IL6ST: variants seen among roughly 807,000 people sequenced by gnomAD.
The protein encoded by IL6ST is interleukin-6 receptor subunit beta.
Under a neutral mutation model 91.3 loss-of-function variants are expected in IL6ST, and 24 were observed. The observed-to-expected ratio is 0.26, with a 90% CI of 0.19 to 0.37. IL6ST has a LOEUF of 0.37. IL6ST is among the 10% of genes least tolerant of loss of function. The probability of loss-of-function intolerance (pLI) is 1.00; values close to 1 mark genes in which losing one functional copy is unlikely to be tolerated. For synonymous variants in IL6ST, 351 were observed against 373.6 expected (o/e 0.94, Z 0.70); for missense variants, 914 against 1,078.5 (o/e 0.85, Z 2.14).
At chr5:55,952,097 T>C (rs778693025) in intron 12 of IL6ST, 22 bp from the exon 13 acceptor site, 1 of 1,596,454 alleles carries the variant, frequency 6.3e-7, no homozygotes, top group South Asian at 1.1e-5. Context: ...TGAACACATT[T>C]GCTAACTGAA....
Position 55,940,549 on chromosome 5 carries a change from T to C in IL6ST, c.*533A>G. ...CCGTGTACACTGATATACACGAAGCTGCTCCTCATTTTTTTGTCAGATTAC... is the reference window on the plus strand; with the variant it reads ...CCGTGTACACTGATATACACGAAGCCGCTCCTCATTTTTTTGTCAGATTAC... On this transcript the variant is annotated 3_prime_UTR_variant, in exon 17 of 17. Transcript: ENST00000381298. The C allele has an allele frequency of 4.7e-6, 1 of 214,456 alleles. No individual in the cohort carries two copies. The highest frequency in any genetic ancestry group is 9.4e-6 in the Non-Finnish European group (1 of 106,192). The allele number at this position is 214,456 out of a possible 1,614,324, so 13.3% of individuals were successfully genotyped here. A position where few individuals can be genotyped will look rare whatever the true frequency, so the allele number is the denominator to read the frequency against.
intron 5 of IL6ST, among the ~76,000 whole-genome samples, chr5:55,965,814 C>CAAAAAAAA (rs34297008): frequency 1.7e-5 from 1 of 58,550 alleles, no homozygotes; most frequent in Non-Finnish European, 3.7e-5. Context: ...AACTCTGTCT[C>CAAAAAAAA]AAAAAAAAAA....
chr5:55,951,388 AT>A, intron 14 of IL6ST, 75 bp downstream of exon 14: 1 of 1,131,718 alleles, frequency 8.8e-7, no homozygotes, highest in African/African-American at 1.6e-5. Context: ...TTTTAACACA[AT>A]TTTAGCACAT....
intron 14 of IL6ST, 99 bp from the exon 15 acceptor site, chr5:55,947,688 T>C: frequency 1.5e-6 from 1 of 679,398 alleles, no homozygotes; most frequent in Non-Finnish European, 2.5e-6. Flanking sequence ...CCAGACTTAC[T>C]GTTGAAAAGA....
intron 2 of IL6ST, 84 bp downstream of exon 2, chr5:55,982,640 G>C (rs1269386943): frequency 2.5e-6 from 1 of 395,970 alleles, no homozygotes; most frequent in Non-Finnish European, 4.4e-6. Flanking sequence ...ATATCCTAAA[G>C]AATCAGGTGA....
At position 55,938,123 on chromosome 5, in the gene IL6ST, A is replaced by T. The variant is rs889641790; in HGVS notation, c.*2959T>A. The stretch of plus-strand genomic sequence containing the variant: ...TGTTTTGTAACATTTTAAAGTTGTA[A>T]CATTTCTAAGTATACTCCACTAACT... On this transcript the variant is annotated 3_prime_UTR_variant, in exon 17 of 17. Coordinates refer to ENST00000381298, the MANE Select transcript of IL6ST (RefSeq NM_002184.4). 2 of 189,742 alleles carry T rather than the reference A, an allele frequency of 1.1e-5. No individual in the cohort carries two copies. The highest frequency in any genetic ancestry group is 2.2e-5 in the Non-Finnish European group (2 of 90,318). The allele number at this position is 189,742 out of a possible 1,614,324, so 11.8% of individuals were successfully genotyped here. A position where few individuals can be genotyped will look rare whatever the true frequency, so the allele number is the denominator to read the frequency against.
At position 55,968,368 on chromosome 5, in the gene IL6ST, A is replaced by G; in HGVS notation, c.399T>C (p.Ser133=). ...GLPPEKPKNL[S]CIVNEGKKMR... The stretch of plus-strand genomic sequence containing the variant: ...TTTTCTTCCCCTCGTTCACAATGCA[A>G]CTCAAATTTTTAGGTTTTTCTGGAG... The change falls in exon 5 of 17, where the codon AGT becomes AGC. Residue 133 remains serine (S), a synonymous_variant. Coordinates refer to ENST00000381298, the MANE Select transcript of IL6ST (RefSeq NM_002184.4). The G allele has an allele frequency of 6.2e-7, 1 of 1,612,048 alleles. No individual in the cohort carries two copies. Among genetic ancestry groups the G allele is most frequent in the Non-Finnish European group, 8.5e-7 (1 of 1,179,296 alleles).
At position 55,963,490 on chromosome 5, in the gene IL6ST, T is replaced by C; in HGVS notation, c.675A>G (p.Pro225=). 1.2e-6 allele frequency: 2 copies of C among 1,607,726 alleles called. No individual in the cohort carries two copies. Among genetic ancestry groups the C allele is most frequent in the Non-Finnish European group, 1.7e-6 (2 of 1,177,626 alleles). The change falls in exon 7 of 17, where the codon CCA becomes CCG. Residue 225 remains proline, a synonymous_variant. Coordinates refer to ENST00000381298, the MANE Select transcript of IL6ST (RefSeq NM_002184.4). ...CTGAGTTGATCACTGATAAATTATG[T>C]GGCGGATTGGGCTTCACTGAAAAAT... ...DPVYKVKPNP[P]HNLSVINSEE...
At chr5:55,950,260 G>C in intron 14 of IL6ST, 1 of 459,532 alleles carries the variant, frequency 2.2e-6, no homozygotes, top group Non-Finnish European at 4.4e-6. Context: ...CAAGAGGCCG[G>C]GTGCGGTGGC....
At chr5:55,972,463 G>T (rs978865332) in intron 3 of IL6ST, among the ~76,000 whole-genome samples, 4 of 152,010 alleles carry the variant, frequency 2.6e-5, no homozygotes, top group Admixed American at 2.6e-4. Flanking sequence ...AGTGAGCCAA[G>T]ATCACACCAC....
At position 55,963,515 on chromosome 5, in the gene IL6ST, T is replaced by C; in HGVS notation, c.659-9A>G. 1 of 1,596,220 alleles carries C rather than the reference T, an allele frequency of 6.3e-7. No homozygotes were observed. The highest frequency in any genetic ancestry group is 1.7e-4 in the Middle Eastern group (1 of 5,770). ...TGGCGGATTGGGCTTCACTGAAAAA[T>C]AAAATAAATCCTAAGGTTTATTATG... On this transcript the variant is annotated splice_polypyrimidine_tract_variant and intron_variant, in intron 6 of 16. Coordinates refer to ENST00000381298, the MANE Select transcript of IL6ST (RefSeq NM_002184.4).
At chr5:55,943,312 G>A (rs1751036254) in intron 15 of IL6ST, among the ~76,000 whole-genome samples, 1 of 152,000 alleles carries the variant, frequency 6.6e-6, no homozygotes, top group South Asian at 2.1e-4. Flanking sequence ...TACCAAAACA[G>A]ATTGAAGAAA....
At chr5:55,965,576 C>T (rs977211815) in intron 5 of IL6ST, among the ~76,000 whole-genome samples, 2 of 152,000 alleles carry the variant, frequency 1.3e-5, no homozygotes, top group African/African-American at 2.4e-5. Context: ...TTATTTCACA[C>T]TAAATGAAAC....
intron 1 of IL6ST, among the ~76,000 whole-genome samples, chr5:55,986,185 C>T (rs1753958690): frequency 6.6e-6 from 1 of 152,196 alleles, no homozygotes; most frequent in African/African-American, 2.4e-5. Flanking sequence ...CTGACTACTA[C>T]TTCTATCATT....
At chr5:55,992,128 AC>A (rs958328368) in intron 1 of IL6ST, among the ~76,000 whole-genome samples, 5 of 152,074 alleles carry the variant, frequency 3.3e-5, no homozygotes, top group African/African-American at 7.3e-5. Flanking sequence ...ATTTCCCCCC[AC>A]TTCAAACATC....
intron 3 of IL6ST, among the ~76,000 whole-genome samples, chr5:55,974,440 C>T (rs1036692423): frequency 1.3e-5 from 2 of 152,106 alleles, no homozygotes; most frequent in African/African-American, 4.8e-5. Context: ...ACTCTCCCAC[C>T]TCAGCCTCCC....
At chr5:55,985,995 C>G (rs565934574) in intron 1 of IL6ST, among the ~76,000 whole-genome samples, 1 of 152,318 alleles carries the variant, frequency 6.6e-6, no homozygotes, top group South Asian at 2.1e-4. Flanking sequence ...TTCCACTGAT[C>G]AATTTGCTTA....
chr5:55,989,205 T>C, intron 1 of IL6ST, among the ~76,000 whole-genome samples: 1 of 149,490 alleles, frequency 6.7e-6, no homozygotes, highest in Admixed American at 6.7e-5. Context: ...TAGCACTGAT[T>C]GGCAAATGAA....
At chr5:55,977,399 C>G (rs928926164) in intron 2 of IL6ST, among the ~76,000 whole-genome samples, 1 of 151,790 alleles carries the variant, frequency 6.6e-6, no homozygotes, top group Non-Finnish European at 1.5e-5. Flanking sequence ...CTTGATACGG[C>G]AAAACTAAGG....
Sources: allele counts gnomAD v4.1 joint callset (sites outside exome capture counted in the v4.1 genomes callset), GRCh38; gene constraint gnomAD v4.1.1; transcripts MANE v1.5; gene names NCBI Gene and HGNC (gene_info 2026-07-23, HGNC 2026-07-21).